The following ACE variants were observed in gnomAD, a reference collection of about 807,000 sequenced individuals.
ACE encodes the protein angiotensin I converting enzyme.
Under a neutral mutation model 162.3 loss-of-function variants are expected in ACE, and 122 were observed. The observed-to-expected ratio is 0.75, with a 90% CI of 0.65 to 0.87. The LOEUF is 0.87. Ranked by LOEUF, ACE falls within the 40% of genes least tolerant of loss-of-function variation. ACE has a pLI of 0.00. For synonymous variants in ACE, 796 were observed against 720.6 expected (o/e 1.10, Z -1.68); for missense variants, 1,799 against 1,735.1 (o/e 1.04, Z -0.65).
chr17:63,479,824 G>A lies in ACE; in HGVS notation c.567G>A (p.Trp189Ter), dbSNP rs765401595. 1 of 1,613,250 alleles carries A rather than the reference G, an allele frequency of 6.2e-7. No individual in the cohort carries two copies. The highest frequency in any genetic ancestry group is 8.5e-7 in the Non-Finnish European group (1 of 1,180,038). Residue 189 changes from tryptophan (W) to a stop codon, truncating the protein, a stop_gained, in exon 4 of 25, where the codon TGG becomes TGA. Coordinates refer to ENST00000290866, the MANE Select transcript of ACE (RefSeq NM_000789.4). LOFTEE classifies it high-confidence loss of function. ...SRSYAMLLFAWEGWHNAAGIP... is the reference protein window; with the variant it reads ...SRSYAMLLFA Reference sequence around the variant, plus strand: ...GCTACGCCATGCTCCTGTTTGCCTGGGAGGGCTGGCACAACGCTGCGGGCA... The same window carrying A: ...GCTACGCCATGCTCCTGTTTGCCTGAGAGGGCTGGCACAACGCTGCGGGCA...
intron 2 of ACE, 108 bp from the exon 3 acceptor site, chr17:63,478,899 C>A: frequency 2.2e-6 from 2 of 920,210 alleles, no homozygotes; most frequent in Non-Finnish European, 3.5e-6. Flanking sequence ...CACTGAGTGG[C>A]CTTGTCCAAG....
chr17:63,484,850 C>G lies in ACE; in HGVS notation c.1921+309C>G. 1 of 1,563,588 alleles carries G rather than the reference C, an allele frequency of 6.4e-7. No homozygotes were observed. The highest frequency in any genetic ancestry group is 8.7e-7 in the Non-Finnish European group (1 of 1,153,752). On this transcript the variant is annotated intron_variant, in intron 12 of 24. Transcript: ENST00000290866. This position sits in a 1 kb window ranked among gnomAD's most constrained non-coding sequence, Gnocchi z 4.0. The stretch of plus-strand genomic sequence containing the variant: ...TGGCCAGGGGACGGTAGCTGCAGGA[C>G]TCTGCTCTCCTGCGGCCATGGGCCA...
In ACE at chr17:63,481,604, G is replaced by A. The variant is rs192205417; in HGVS notation, c.984G>A (p.Glu328=). 10 of 1,614,064 alleles carry A rather than the reference G, an allele frequency of 6.2e-6. 1 individual carries two copies. The highest frequency in any genetic ancestry group is 4.4e-5 in the South Asian group (4 of 91,090). The stretch of plus-strand genomic sequence containing the variant: ...CGCACATGTTCCGGGTGGCAGAGGA[G>A]TTCTTCACCTCCCTGGAGCTCTCCC... ...NATHMFRVAE[E]FFTSLELSPM... Residue 328 remains glutamate (E), a synonymous_variant, in exon 7 of 25, where the codon GAG becomes GAA. Transcript: ENST00000290866.
In ACE at chr17:63,496,067, A is replaced by T. The variant is rs1201913576; in HGVS notation, c.3381-327A>T. 3 of 406,816 alleles carry T rather than the reference A, an allele frequency of 7.4e-6. No individual in the cohort carries two copies. In the East Asian group the frequency reaches 1.7e-4, roughly 23 times the overall value. The allele number at this position is 406,816 out of a possible 1,614,324, so 25.2% of individuals were successfully genotyped here. A position where few individuals can be genotyped will look rare whatever the true frequency, so the allele number is the denominator to read the frequency against. The stretch of plus-strand genomic sequence containing the variant: ...GCCTCTACTTGCATATACCCCAGGG[A>T]TGGAGACCTCACTGCCTCCAAAGCC... On this transcript the variant is annotated intron_variant, in intron 22 of 24. Transcript: ENST00000290866.
chr17:63,477,808 C>T, intron 1 of ACE, 123 bp from the exon 2 acceptor site: 1 of 1,258,116 alleles, frequency 7.9e-7, no homozygotes, highest in South Asian at 1.3e-5. Flanking sequence ...GCAGGGATCT[C>T]CCCAGGGCCC....
rs1233284306 is a variant in ACE, at chr17:63,497,684, C to A, written c.*318C>A. The A allele has an allele frequency of 7.0e-6, 4 of 569,064 alleles. No homozygotes were observed. Among genetic ancestry groups the A allele is most frequent in the Non-Finnish European group, 1.3e-5 (4 of 307,178 alleles). 35.3% of individuals were successfully genotyped at this position (569,064 alleles called of 1,614,324 possible). On this transcript the variant is annotated 3_prime_UTR_variant, in exon 25 of 25. Coordinates refer to ENST00000290866, the MANE Select transcript of ACE (RefSeq NM_000789.4). Reference sequence around the variant, plus strand: ...GACAGGCTGCTTTCCTGCCTCCTGGCAGTCAAGTGGGTCCCGTTACTAGGT... The same window carrying A: ...GACAGGCTGCTTTCCTGCCTCCTGGAAGTCAAGTGGGTCCCGTTACTAGGT...
intron 4 of ACE, 40 bp from the exon 5 acceptor site, chr17:63,480,297 C>G (rs751882416): frequency 6.2e-7 from 1 of 1,605,980 alleles, no homozygotes; most frequent in Admixed American, 1.7e-5. Flanking sequence ...GAGGTCCGAG[C>G]CTTTGGCCTG....
chr17:63,480,542 C>T lies in ACE; in HGVS notation c.847+14C>T. ...CTCATCTGCTGGGTAAGGACCTGGC[C>T]TCGCCTCCACATGAGTCCCACGGAA... On this transcript the variant is annotated intron_variant, in intron 5 of 24. Coordinates refer to ENST00000290866, the MANE Select transcript of ACE (RefSeq NM_000789.4). The T allele has an allele frequency of 5.0e-6, 8 of 1,613,178 alleles. No individual in the cohort carries two copies. Among genetic ancestry groups the T allele is most frequent in the Non-Finnish European group, 6.8e-6 (8 of 1,179,968 alleles).
Position 63,491,941 on chromosome 17 carries a change from CAGG to C in ACE, c.2912+561_2912+563del, listed in dbSNP as rs2072093819. 6.6e-6 allele frequency among the ~76,000 whole-genome samples: 1 copy of C among 152,336 alleles called. No individual in the cohort carries two copies. The highest frequency in any genetic ancestry group is 2.4e-5 in the African/African-American group (1 of 41,582). On this transcript the variant is annotated intron_variant, in intron 19 of 24. Coordinates refer to ENST00000290866, the MANE Select transcript of ACE (RefSeq NM_000789.4). The surrounding 1 kb of genome is among the most constrained non-coding windows in gnomAD (Gnocchi z 4.4). ...ACACAGTGGAAATGGCCTTTCTCTACAGGGCCCCCTCTGTTGGGGGCAGCTCTC... is the reference window on the plus strand; with the variant it reads ...ACACAGTGGAAATGGCCTTTCTCTACGCCCCCTCTGTTGGGGGCAGCTCTC...
chr17:63,493,386 C>T (rs372330766), intron 19 of ACE, 50 bp from the exon 20 acceptor site: 2 of 1,566,536 alleles, frequency 1.3e-6, no homozygotes, highest in African/African-American at 2.7e-5. Context: ...ATGCCCAGGG[C>T]TTCTCACTGT....
chr17:63,493,651 G>GCAGCGACGGTGA lies in ACE; in HGVS notation c.3129_3136+4dup. The GCAGCGACGGTGA allele has an allele frequency of 6.2e-7, 1 of 1,614,062 alleles. No homozygotes were observed. Among genetic ancestry groups the GCAGCGACGGTGA allele is most frequent in the Non-Finnish European group, 8.5e-7 (1 of 1,180,000 alleles). On this transcript the variant is annotated inframe_insertion, in exon 20 of 25. Transcript: ENST00000290866. Reference sequence around the variant, plus strand: ...CTCAACCTGCTGAGCAGTGAGGGTGGCAGCGACGGTGAGAGAGAAGCGGGA... The same window carrying GCAGCGACGGTGA: ...CTCAACCTGCTGAGCAGTGAGGGTGGCAGCGACGGTGACAGCGACGGTGAGAGAGAAGCGGGA...
intron 9 of ACE, 94 bp downstream of exon 9, chr17:63,483,267 T>C: frequency 6.3e-7 from 1 of 1,598,424 alleles, no homozygotes; most frequent in Non-Finnish European, 8.6e-7. Flanking sequence ...TTCTAGCCTC[T>C]CCTCTCTAAT....
chr17:63,479,626 C>T, intron 3 of ACE, 143 bp from the exon 4 acceptor site: 1 of 1,109,570 alleles, frequency 9.0e-7, no homozygotes, highest in Non-Finnish European at 1.3e-6. Flanking sequence ...CCCACCAGGC[C>T]TGTAGGTGGC....
chr17:63,494,490 G>T lies in ACE; in HGVS notation c.3380+20G>T. On this transcript the variant is annotated intron_variant, in intron 22 of 24. Coordinates refer to ENST00000290866, the MANE Select transcript of ACE (RefSeq NM_000789.4). The stretch of plus-strand genomic sequence containing the variant: ...CATCAGGTAACGGGAAAGGCAGGAG[G>T]GCACATTGTGAGGGGCAGTACCCAC... 1 of 1,599,712 alleles carries T rather than the reference G, an allele frequency of 6.3e-7. No individual in the cohort carries two copies. Among genetic ancestry groups the T allele is most frequent in the East Asian group, 2.2e-5 (1 of 44,784 alleles).
intron 3 of ACE, 138 bp from the exon 4 acceptor site, chr17:63,479,631 G>A: frequency 1.7e-6 from 2 of 1,164,998 alleles, no homozygotes; most frequent in Non-Finnish European, 2.5e-6. Context: ...CAGGCCTGTA[G>A]GTGGCCCCTG....
rs767378617 is a variant in ACE at position 63,493,487 on chromosome 17, C to T, written c.2964C>T (p.His988=). The T allele has an allele frequency of 7.4e-6, 12 of 1,613,900 alleles. No homozygotes were observed. The highest frequency in any genetic ancestry group is 9.3e-6 in the Non-Finnish European group (11 of 1,180,030). ...TGGAGGACCTGGTGGTGGCCCACCA[C>T]GAAATGGGCCACATCCAGTATTTCA... ...VNLEDLVVAH[H]EMGHIQYFMQ... is the part of the protein sequence containing the mutation. Residue 988 remains histidine, a synonymous_variant, in exon 20 of 25, where the codon CAC becomes CAT. Transcript: ENST00000290866.
In ACE at chr17:63,477,446, C is replaced by G. The variant is rs189334234; in HGVS notation, c.249+103C>G. 6.6e-4 allele frequency: 616 copies of G among 936,310 alleles called. 13 individuals are homozygous for G. In the East Asian group the frequency reaches 0.031, roughly 48 times the overall value. 58.0% of individuals were successfully genotyped at this position (936,310 alleles called of 1,614,324 possible). On this transcript the variant is annotated intron_variant, in intron 1 of 24. Transcript: ENST00000290866. ...GCAGGCTGGCGCCCCCGACCCGAAC[C>G]CCACCCCGACCCCGGACCCTCGCCC...
At chr17:63,477,905 C>T in intron 1 of ACE, 26 bp from the exon 2 acceptor site, 2 of 1,598,560 alleles carry the variant, frequency 1.3e-6, no homozygotes, top group Admixed American at 1.7e-5. Flanking sequence ...GTCCTACACC[C>T]TCCCTGCCCT....
Position 63,488,778 on chromosome 17 carries a change from T to C in ACE, c.2436T>C (p.Ala812=). Residue 812 remains alanine (A), a synonymous_variant, in exon 16 of 25, where the codon GCT becomes GCC. Coordinates refer to ENST00000290866, the MANE Select transcript of ACE (RefSeq NM_000789.4). The stretch of plus-strand genomic sequence containing the variant: ...AATACGTGGAACTCATCAACCAGGC[T>C]GCCCGGCTCAATGGTGAGTCCCTGC... ...YPKYVELINQ[A]ARLNGYVDAG... is the part of the protein sequence containing the mutation. 2 of 1,614,026 alleles carry C rather than the reference T, an allele frequency of 1.2e-6. No homozygotes were observed. The highest frequency in any genetic ancestry group is 1.6e-4 in the Middle Eastern group (1 of 6,062).
Sources: allele counts gnomAD v4.1 joint callset (sites outside exome capture counted in the v4.1 genomes callset), GRCh38; gene constraint gnomAD v4.1.1; non-coding constraint Gnocchi (gnomAD v3.1); transcripts MANE v1.5; gene names NCBI Gene and HGNC (gene_info 2026-07-23, HGNC 2026-07-21).